Variants in DEPTOR observed in about 807,000 individuals in gnomAD.
The protein encoded by DEPTOR is DEP domain-containing mTOR-interacting protein.
A neutral mutation model predicts 41.6 loss-of-function variants in DEPTOR; 41 were observed. The observed-to-expected ratio is 0.98, with a 90% CI of 0.77 to 1.28. The LOEUF is 1.28. Ranked by LOEUF, DEPTOR falls within the 50% of genes most tolerant of loss-of-function variation. The pLI is 0.00. For synonymous variants in DEPTOR, 195 were observed against 192.3 expected (o/e 1.01, Z -0.12); for missense variants, 514 against 527.9 (o/e 0.97, Z 0.26).
chr8:119,973,819 T>C (rs192732532), intron 4 of DEPTOR, among the ~76,000 whole-genome samples: 50 of 152,338 alleles, frequency 3.3e-4, no homozygotes, highest in Middle Eastern at 6.8e-3. Context: ...TACTGTGCCA[T>C]ATACAAAGCA....
At chr8:119,895,797 G>C (rs932130513) in intron 1 of DEPTOR, among the ~76,000 whole-genome samples, 4 of 152,116 alleles carry the variant, frequency 2.6e-5, no homozygotes, top group African/African-American at 9.7e-5. Flanking sequence ...CATATATCCA[G>C]GGGTTCCTGC....
At chr8:119,889,383 C>T (rs1563957648) in intron 1 of DEPTOR, among the ~76,000 whole-genome samples, 1 of 151,236 alleles carries the variant, frequency 6.6e-6, no homozygotes, top group Non-Finnish European at 1.5e-5. Flanking sequence ...CCCATCTCTA[C>T]AGAAATTTTA....
At chr8:119,935,996 G>GTTTTTTTTTTTTTT (rs1201688321) in intron 3 of DEPTOR, among the ~76,000 whole-genome samples, 1 of 102,774 alleles carries the variant, frequency 9.7e-6, no homozygotes, top group African/African-American at 3.8e-5. Flanking sequence ...CATTAGTCTA[G>GTTTTTTTTTTTTTT]TTGTTTTTTT....
At chr8:120,015,681 T>C (rs1012588829) in intron 8 of DEPTOR, among the ~76,000 whole-genome samples, 1 of 152,016 alleles carries the variant, frequency 6.6e-6, no homozygotes. Context: ...CGAAGATAGA[T>C]GCTCACCCGT....
At chr8:119,877,886 T>G (rs1270860728) in intron 1 of DEPTOR, among the ~76,000 whole-genome samples, 2 of 152,138 alleles carry the variant, frequency 1.3e-5, no homozygotes, top group Non-Finnish European at 2.9e-5. Flanking sequence ...AACCTCCAGA[T>G]GTGAAATTGG....
chr8:119,965,199 G>T (rs759584390), intron 3 of DEPTOR, 33 bp from the exon 4 acceptor site: 2 of 1,593,544 alleles, frequency 1.3e-6, no homozygotes, highest in Non-Finnish European at 1.7e-6. Flanking sequence ...TTTCGTATAG[G>T]TTTACTTTTC....
At chr8:119,995,135 A>G (rs1347026529) in intron 4 of DEPTOR, among the ~76,000 whole-genome samples, 1 of 152,152 alleles carries the variant, frequency 6.6e-6, no homozygotes, top group African/African-American at 2.4e-5. Flanking sequence ...ATGCCATGCC[A>G]TATCTCTTAC....
chr8:119,883,473 TAAAAAAAAAAA>T (rs386413817), intron 1 of DEPTOR, among the ~76,000 whole-genome samples: 71 of 112,098 alleles, frequency 6.3e-4, no homozygotes, highest in African/African-American at 2.5e-3. Context: ...AGACTCGTCT[TAAAAAAAAAAA>T]AAAAAAAAAA....
chr8:119,921,206 A>G (rs1827888960), intron 1 of DEPTOR, among the ~76,000 whole-genome samples: 1 of 152,042 alleles, frequency 6.6e-6, no homozygotes, highest in South Asian at 2.1e-4. Context: ...CGAACTCCTG[A>G]CCTCGGGCAA....
At chr8:120,042,206 C>T (rs1000532946) in intron 8 of DEPTOR, among the ~76,000 whole-genome samples, 5 of 152,188 alleles carry the variant, frequency 3.3e-5, no homozygotes, top group Middle Eastern at 3.4e-3. Context: ...GGTGGCCGCC[C>T]GCCATTCAGA....
chr8:119,916,266 ATTTTTTT>A lies in DEPTOR; in HGVS notation c.123-12104_123-12098del, dbSNP rs71304925. ...AGGCACATGCCACCAGGCTAGGCTA[ATTTTTTT>A]TTTTTTTTTTTTTTTTTTTTTTTTT... On this transcript the variant is annotated intron_variant, in intron 1 of 8. Transcript: ENST00000286234. 5.9e-3 allele frequency among the ~76,000 whole-genome samples: 722 copies of A among 123,290 alleles called. 38 individuals carry two copies. The highest frequency in any genetic ancestry group is 0.02 in the African/African-American group (615 of 31,064). 80.9% of individuals were successfully genotyped at this position (123,290 alleles called of 152,430 possible).
intron 8 of DEPTOR, among the ~76,000 whole-genome samples, chr8:120,009,535 C>A (rs977061136): frequency 1.9e-4 from 29 of 152,126 alleles, no homozygotes; most frequent in African/African-American, 6.5e-4. Flanking sequence ...ATCGCTTGAA[C>A]CCAGGAGGCA....
intron 3 of DEPTOR, among the ~76,000 whole-genome samples, chr8:119,947,536 GT>G (rs1240795926): frequency 1.3e-5 from 2 of 152,064 alleles, no homozygotes; most frequent in Non-Finnish European, 1.5e-5. Context: ...ACCCCTTCTG[GT>G]TTCTAGCCAG....
intron 4 of DEPTOR, among the ~76,000 whole-genome samples, chr8:119,981,283 G>T (rs17821574): frequency 0.036 from 5,478 of 152,268 alleles, 94 homozygotes; most frequent in African/African-American, 0.044. Context: ...GTCTATTCAG[G>T]TCAATTTGCA....
intron 8 of DEPTOR, among the ~76,000 whole-genome samples, chr8:120,047,409 C>T (rs1813167822): frequency 6.6e-6 from 1 of 151,940 alleles, no homozygotes; most frequent in Admixed American, 6.6e-5. Flanking sequence ...CTGTTGTTGC[C>T]CAGGCTGGAG....
At chr8:119,993,329 T>G (rs936732105) in intron 4 of DEPTOR, among the ~76,000 whole-genome samples, 1 of 152,218 alleles carries the variant, frequency 6.6e-6, no homozygotes, top group African/African-American at 2.4e-5. Context: ...GTTGTATTTA[T>G]GTGGCTCTAG....
At chr8:120,042,780 A>G (rs181413303) in intron 8 of DEPTOR, among the ~76,000 whole-genome samples, 47 of 152,218 alleles carry the variant, frequency 3.1e-4, no homozygotes, top group South Asian at 1.0e-3. Context: ...TTGGCCTCCC[A>G]AAGTGCTGGG....
chr8:119,993,879 G>T (rs1026010826), intron 4 of DEPTOR, among the ~76,000 whole-genome samples: 5 of 151,906 alleles, frequency 3.3e-5, no homozygotes, highest in African/African-American at 1.2e-4. Context: ...GGCTGAGGCC[G>T]GGTGCGGTGG....
intron 3 of DEPTOR, among the ~76,000 whole-genome samples, chr8:119,952,300 C>T (rs1000239461): frequency 3.3e-5 from 5 of 152,178 alleles, no homozygotes. Context: ...TCCATTGACA[C>T]TTTATATGAA....
Sources: gnomAD v4.1 joint callset for allele counts (sites outside exome capture counted in the v4.1 genomes callset) on GRCh38, gnomAD v4.1.1 for gene constraint, MANE v1.5 for transcripts, NCBI Gene and HGNC (gene_info 2026-07-23, HGNC 2026-07-21) for gene names.